Variants in NLK observed in about 807,000 individuals in gnomAD.
The protein encoded by NLK is serine/threonine-protein kinase NLK.
In NLK, 11 loss-of-function variants were observed where a neutral mutation model predicts 59.0. The observed-to-expected ratio is 0.19, with a 90% confidence interval of 0.12 to 0.31. The LOEUF (loss-of-function observed/expected upper bound fraction) is 0.31. NLK is among the 10% of genes least tolerant of loss of function. The pLI is 1.00. For synonymous variants in NLK, 235 were observed against 235.9 expected (o/e 1.00, Z 0.03); for missense variants, 410 against 661.1 (o/e 0.62, Z 4.16).
chr17:28,156,798 C>T (rs1185416122), intron 3 of NLK, among the ~76,000 whole-genome samples: 1 of 152,100 alleles, frequency 6.6e-6, no homozygotes, highest in African/African-American at 2.4e-5. Flanking sequence ...TATTCTTGTT[C>T]CACATTAAAT....
At chr17:28,111,896 GGT>G (rs747211468) in intron 1 of NLK, among the ~76,000 whole-genome samples, 3,028 of 67,322 alleles carry the variant, frequency 0.045, 77 homozygotes, top group Admixed American at 0.054. Flanking sequence ...GTGTGTGTGT[GGT>G]GTGTGTGTGT....
intron 1 of NLK, among the ~76,000 whole-genome samples, chr17:28,065,119 T>C (rs897940001): frequency 6.6e-6 from 1 of 152,144 alleles, no homozygotes; most frequent in African/African-American, 2.4e-5. Context: ...AATAAAGATA[T>C]ATAAATACAG....
intron 1 of NLK, among the ~76,000 whole-genome samples, chr17:28,120,761 C>G (rs1207580329): frequency 2.6e-5 from 4 of 152,148 alleles, no homozygotes; most frequent in Admixed American, 6.5e-5. Context: ...TACATCATTT[C>G]AGAGTTTCAT....
chr17:28,162,423 A>C (rs2142048867), intron 4 of NLK, among the ~76,000 whole-genome samples: 2 of 152,294 alleles, frequency 1.3e-5, no homozygotes, highest in South Asian at 4.1e-4. Context: ...ATCTGAGGTC[A>C]GGAATTCAAG....
rs1354530688 is a variant in NLK, at chr17:28,097,570, G to A, written c.459-25033G>A. Among the ~76,000 whole-genome samples, 3 of 152,062 alleles carry A rather than the reference G, an allele frequency of 2.0e-5. No individual in the cohort carries two copies. In the East Asian group the frequency reaches 5.8e-4, roughly 29 times the overall value. On this transcript the variant is annotated intron_variant, in intron 1 of 10. Transcript: ENST00000407008. ...TACTCAGTTTGAATATCTGAACCTA[G>A]TTGGATTGGGAAACGTTATTTTAAA...
chr17:28,071,326 A>G (rs1910000228), intron 1 of NLK, among the ~76,000 whole-genome samples: 1 of 152,218 alleles, frequency 6.6e-6, no homozygotes, highest in Non-Finnish European at 1.5e-5. Flanking sequence ...AGTTTCTTTA[A>G]AAATCTGTTG....
chr17:28,066,689 T>G (rs1909833168), intron 1 of NLK, among the ~76,000 whole-genome samples: 1 of 152,240 alleles, frequency 6.6e-6, no homozygotes, highest in Non-Finnish European at 1.5e-5. Context: ...ACTACCAAAC[T>G]GTTTTCCAAA....
At chr17:28,103,790 G>A (rs542420002) in intron 1 of NLK, among the ~76,000 whole-genome samples, 133 of 152,254 alleles carry the variant, frequency 8.7e-4, no homozygotes, top group African/African-American at 2.8e-3. Flanking sequence ...AAGAGAAATA[G>A]TTTTAAGACT....
intron 7 of NLK, among the ~76,000 whole-genome samples, chr17:28,184,918 A>G (rs948865572): frequency 6.6e-6 from 1 of 152,236 alleles, no homozygotes; most frequent in East Asian, 1.9e-4. Flanking sequence ...ACTGCACCCT[A>G]GCCTGGGTGA....
intron 5 of NLK, among the ~76,000 whole-genome samples, chr17:28,165,653 G>C (rs1354678838): frequency 6.6e-6 from 1 of 152,046 alleles, no homozygotes; most frequent in Non-Finnish European, 1.5e-5. Context: ...GGATAATTTT[G>C]CTGGAATTTT....
intron 2 of NLK, among the ~76,000 whole-genome samples, chr17:28,131,250 G>A (rs1248279288): frequency 6.6e-6 from 1 of 151,948 alleles, no homozygotes; most frequent in East Asian, 1.9e-4. Context: ...TAGATTATCA[G>A]TCATACTATG....
At chr17:28,085,852 AC>A (rs1287818575) in intron 1 of NLK, among the ~76,000 whole-genome samples, 1 of 152,212 alleles carries the variant, frequency 6.6e-6, no homozygotes. Flanking sequence ...TCTGTTAGAT[AC>A]ACAAATTTGT....
intron 1 of NLK, among the ~76,000 whole-genome samples, chr17:28,074,892 A>T (rs1438133540): frequency 1.3e-5 from 2 of 152,182 alleles, no homozygotes; most frequent in African/African-American, 4.8e-5. Flanking sequence ...CCAACACCCG[A>T]GGTTGGGAGG....
At chr17:28,188,980 GACACACAC>G (rs57423093) in intron 8 of NLK, among the ~76,000 whole-genome samples, 6 of 142,622 alleles carry the variant, frequency 4.2e-5, no homozygotes, top group African/African-American at 1.3e-4. Context: ...GACAAACACA[GACACACAC>G]ACACACACAC....
intron 3 of NLK, among the ~76,000 whole-genome samples, chr17:28,137,585 G>A (rs1211384304): frequency 6.6e-6 from 1 of 152,086 alleles, no homozygotes; most frequent in Non-Finnish European, 1.5e-5. Context: ...AGTTCTGTGT[G>A]CATTTTGATG....
At chr17:28,124,617 C>T (rs1906214063) in intron 2 of NLK, among the ~76,000 whole-genome samples, 2 of 152,160 alleles carry the variant, frequency 1.3e-5, no homozygotes. Context: ...AGAATAATGT[C>T]TAGTTCTTTC....
intron 1 of NLK, chr17:28,048,043 G>C (rs1909122148): frequency 2.5e-6 from 1 of 398,012 alleles, no homozygotes; most frequent in African/African-American, 2.1e-5. Flanking sequence ...CCATAAAAAG[G>C]AAACGGTTGC....
At chr17:28,187,267 T>C (rs1385005995) in intron 8 of NLK, among the ~76,000 whole-genome samples, 1 of 152,206 alleles carries the variant, frequency 6.6e-6, no homozygotes, top group African/African-American at 2.4e-5. Context: ...AGGCATCCTC[T>C]TTCTCTGAGA....
chr17:28,065,274 AG>A (rs981197245), intron 1 of NLK, among the ~76,000 whole-genome samples: 20 of 151,990 alleles, frequency 1.3e-4, no homozygotes, highest in African/African-American at 4.8e-4. Flanking sequence ...TAGGCAGTGT[AG>A]GCCTGATTAG....
Sources: allele counts gnomAD v4.1 joint callset (sites outside exome capture counted in the v4.1 genomes callset), GRCh38; gene constraint gnomAD v4.1.1; transcripts MANE v1.5; gene names NCBI Gene and HGNC (gene_info 2026-07-23, HGNC 2026-07-21).